DMD: variants seen among roughly 807,000 people sequenced by gnomAD.
DMD encodes the protein mutant dystrophin.
In DMD, 63 loss-of-function variants were observed where a neutral mutation model predicts 330.1. The ratio of observed to expected loss-of-function variants is 0.19; its 90% CI spans 0.16 to 0.24. DMD has a LOEUF of 0.24. Ranked by LOEUF, DMD falls within the 10% of genes least tolerant of loss-of-function variation. The pLI is 1.00. For synonymous variants in DMD, 1,223 were observed against 959.8 expected (o/e 1.27, Z -5.07); for missense variants, 3,344 against 2,684.1 (o/e 1.25, Z -5.43).
chrX:32,689,152 C>T (rs2063093071), intron 9 of DMD, among the ~76,000 whole-genome samples: 1 of 111,077 alleles, frequency 9.0e-6, no homozygotes, highest in Non-Finnish European at 1.9e-5. Context: ...AATTTTCATA[C>T]TTAATGAGGG....
At chrX:31,383,896 C>T (rs745569572) in intron 60 of DMD, among the ~76,000 whole-genome samples, 4 of 111,702 alleles carry the variant, frequency 3.6e-5, no homozygotes, top group South Asian at 3.8e-4. Flanking sequence ...TAAAATCCCC[C>T]GCATTTACCA....
chrX:31,619,403 TA>T (rs2078398435), intron 55 of DMD, among the ~76,000 whole-genome samples: 1 of 111,969 alleles, frequency 8.9e-6, no homozygotes, highest in East Asian at 2.8e-4. Flanking sequence ...TATTATTCTT[TA>T]TTAATTAATA....
At chrX:32,592,006 G>T in intron 13 of DMD, among the ~76,000 whole-genome samples, 1 of 112,489 alleles carries the variant, frequency 8.9e-6, no homozygotes, top group East Asian at 2.8e-4. Context: ...GCGCCCGTCT[G>T]GACTTTGGGC....
intron 59 of DMD, among the ~76,000 whole-genome samples, chrX:31,466,914 C>T (rs779846646): frequency 1.8e-5 from 2 of 111,400 alleles, no homozygotes; most frequent in East Asian, 5.6e-4. Flanking sequence ...GTATTTTATT[C>T]TCTTTGAAGC....
intron 20 of DMD, among the ~76,000 whole-genome samples, chrX:32,485,565 T>C (rs2042344725): frequency 9.2e-6 from 1 of 109,053 alleles, no homozygotes; most frequent in African/African-American, 3.3e-5. Flanking sequence ...ATGTGTATAC[T>C]ATAATTATAA....
At chrX:31,896,111 T>G (rs115132557) in intron 47 of DMD, among the ~76,000 whole-genome samples, 8,445 of 109,023 alleles carry the variant, frequency 0.077, 283 homozygotes, top group African/African-American at 0.14. Flanking sequence ...GAAAAATATG[T>G]ATTAGTTATT....
intron 60 of DMD, among the ~76,000 whole-genome samples, chrX:31,363,800 A>G (rs188671287): frequency 1.8e-4 from 20 of 112,222 alleles, no homozygotes; most frequent in Non-Finnish European, 3.4e-4. Flanking sequence ...AGCATCCACA[A>G]CTTCTACCCA....
At chrX:32,507,379 ATG>A (rs2044736293) in intron 18 of DMD, among the ~76,000 whole-genome samples, 1 of 111,843 alleles carries the variant, frequency 8.9e-6, no homozygotes, top group South Asian at 3.7e-4. Context: ...TGAGAACACT[ATG>A]TGGTCTTTAT....
chrX:32,392,267 T>G (rs1009593636), intron 30 of DMD, among the ~76,000 whole-genome samples: 5 of 110,897 alleles, frequency 4.5e-5, no homozygotes, highest in Admixed American at 2.9e-4. Flanking sequence ...TAGTTAGTTA[T>G]TTATGTTTTG....
intron 17 of DMD, among the ~76,000 whole-genome samples, chrX:32,529,378 ACTTTTTTTTTT>A (rs2047255404): frequency 2.7e-5 from 2 of 73,060 alleles, no homozygotes; most frequent in African/African-American, 1.1e-4. Context: ...GCAAAAATCA[ACTTTTTTTTTT>A]TTTTTTTTTT....
intron 13 of DMD, among the ~76,000 whole-genome samples, chrX:32,576,805 C>T (rs1362863614): frequency 9.1e-6 from 1 of 110,233 alleles, no homozygotes; most frequent in East Asian, 2.9e-4. Context: ...TTTAACATAA[C>T]TATTTAAAAA....
At chrX:32,825,989 TA>T (rs763529558) in intron 4 of DMD, among the ~76,000 whole-genome samples, 1 of 110,418 alleles carries the variant, frequency 9.1e-6, no homozygotes, top group Non-Finnish European at 1.9e-5. Context: ...AATTATACAC[TA>T]AAAAAATAGA....
At chrX:32,647,078 G>C (rs980445037) in intron 9 of DMD, among the ~76,000 whole-genome samples, 3 of 111,455 alleles carry the variant, frequency 2.7e-5, no homozygotes, top group Non-Finnish European at 5.6e-5. Context: ...GATGTGCGCA[G>C]GTGGAACCAG....
chrX:31,312,490 C>T (rs1371281191), intron 62 of DMD, among the ~76,000 whole-genome samples: 3 of 112,225 alleles, frequency 2.7e-5, no homozygotes, highest in South Asian at 3.7e-4. Flanking sequence ...GAAATGGGAA[C>T]GCTTTTGAAC....
At chrX:31,309,397 T>C (rs1052975807) in intron 62 of DMD, among the ~76,000 whole-genome samples, 2 of 112,343 alleles carry the variant, frequency 1.8e-5, no homozygotes, top group Non-Finnish European at 3.8e-5. Flanking sequence ...ATAACTGTTA[T>C]ATCACTTCCT....
intron 13 of DMD, among the ~76,000 whole-genome samples, chrX:32,583,046 T>C (rs2053831283): frequency 8.9e-6 from 1 of 112,167 alleles, no homozygotes. Context: ...ATTTTTCTAC[T>C]AGCTCTCCTC....
At chrX:32,529,429 C>T (rs2047273703) in intron 17 of DMD, among the ~76,000 whole-genome samples, 1 of 62,077 alleles carries the variant, frequency 1.6e-5, no homozygotes, top group African/African-American at 7.0e-5. Flanking sequence ...GACAAAGTCT[C>T]ATTCTATCAC....
At chrX:33,143,780 C>T (rs1174971318) in intron 1 of DMD, among the ~76,000 whole-genome samples, 2 of 111,560 alleles carry the variant, frequency 1.8e-5, no homozygotes, top group African/African-American at 3.3e-5. Context: ...TTTTATATAG[C>T]GTTAACTCCT....
intron 52 of DMD, among the ~76,000 whole-genome samples, chrX:31,692,779 T>C (rs2083209382): frequency 8.9e-6 from 1 of 111,753 alleles, no homozygotes; most frequent in South Asian, 3.7e-4. Flanking sequence ...TGCATCAGTA[T>C]TTAAAAGTTC....
Sources: allele counts gnomAD v4.1 joint callset (sites outside exome capture counted in the v4.1 genomes callset), GRCh38; gene constraint gnomAD v4.1.1; transcripts MANE v1.5; gene names NCBI Gene and HGNC (gene_info 2026-07-23, HGNC 2026-07-21).